CAB39: variants seen among roughly 807,000 people sequenced by gnomAD.
The protein encoded by CAB39 is calcium binding protein 39.
A neutral mutation model predicts 40.0 loss-of-function variants in CAB39; 8 were observed. The observed-to-expected ratio is 0.20, with a 90% CI of 0.12 to 0.36. The LOEUF (loss-of-function observed/expected upper bound fraction) is 0.36, where lower values mean the gene tolerates loss of function less well. Ranked by LOEUF, CAB39 falls within the 10% of genes least tolerant of loss-of-function variation. The pLI is 1.00. For synonymous variants in CAB39, 156 were observed against 141.6 expected (o/e 1.10, Z -0.72); for missense variants, 270 against 401.1 (o/e 0.67, Z 2.79).
Position 230,747,189 on chromosome 2 carries a change from C to T in CAB39, c.-43-12770C>T, listed in dbSNP as rs183656170. Among the ~76,000 whole-genome samples, 102 of 152,058 alleles carry T rather than the reference C, an allele frequency of 6.7e-4. 1 individual carries two copies. The highest frequency in any genetic ancestry group is 7.6e-4 in the Non-Finnish European group (52 of 68,000). ...GCAGTGAGCTGAGATCACATCACTG[C>T]GCTCCAGCCTGGGCAACAGAGTGAG... On this transcript the variant is annotated intron_variant, in intron 1 of 8. Transcript: ENST00000258418.
chr2:230,789,984 C>G (rs951610291), intron 2 of CAB39, among the ~76,000 whole-genome samples: 1 of 152,076 alleles, frequency 6.6e-6, no homozygotes, highest in Non-Finnish European at 1.5e-5. Flanking sequence ...CCTGTAATCC[C>G]AGCACAAGTT....
At chr2:230,749,049 C>T (rs1285864389) in intron 1 of CAB39, among the ~76,000 whole-genome samples, 2 of 145,394 alleles carry the variant, frequency 1.4e-5, no homozygotes, top group Non-Finnish European at 3.0e-5. Context: ...TGCATTGTTG[C>T]CTTCACAACC....
intron 1 of CAB39, among the ~76,000 whole-genome samples, chr2:230,727,363 CGTGTGTGTGTGTGTGT>C (rs10542723): frequency 2.4e-4 from 31 of 126,944 alleles, no homozygotes; most frequent in Admixed American, 8.1e-4. Context: ...GATTGTTAAC[CGTGTGTGTGTGTGTGT>C]GTGTGTGTGT....
intron 1 of CAB39, among the ~76,000 whole-genome samples, chr2:230,723,287 C>T (rs1479649327): frequency 6.6e-6 from 1 of 151,200 alleles, no homozygotes; most frequent in Admixed American, 6.6e-5. Flanking sequence ...AGGGGATTTA[C>T]GATAGTGGGA....
chr2:230,800,526 G>A (rs1037429391), intron 5 of CAB39, among the ~76,000 whole-genome samples: 1 of 152,230 alleles, frequency 6.6e-6, no homozygotes, highest in Non-Finnish European at 1.5e-5. Flanking sequence ...TAGGACTCAT[G>A]CTTATAATGC....
intron 5 of CAB39, among the ~76,000 whole-genome samples, chr2:230,801,615 T>C (rs1427110421): frequency 6.6e-6 from 1 of 152,136 alleles, no homozygotes; most frequent in Non-Finnish European, 1.5e-5. Context: ...CTCACGCCTG[T>C]AATCCCACCA....
intron 5 of CAB39, among the ~76,000 whole-genome samples, chr2:230,807,822 G>A (rs757246566): frequency 6.6e-6 from 1 of 152,186 alleles, no homozygotes; most frequent in Non-Finnish European, 1.5e-5. Context: ...TTGAGAGCCA[G>A]TGTCTCTCAG....
At chr2:230,763,896 C>T (rs765932506) in intron 2 of CAB39, among the ~76,000 whole-genome samples, 4 of 151,890 alleles carry the variant, frequency 2.6e-5, no homozygotes, top group African/African-American at 9.7e-5. Context: ...CCTAGTCGAG[C>T]GGATCACTTG....
chr2:230,748,824 AAAAAAAAATATATATATATATATATAT>A (rs1695024045), intron 1 of CAB39, among the ~76,000 whole-genome samples: 1 of 72,384 alleles, frequency 1.4e-5, no homozygotes. Flanking sequence ...AAAAAAAAAA[AAAAAAAAATATATATATATATATATAT>A]ATATATATAT....
intron 7 of CAB39, among the ~76,000 whole-genome samples, chr2:230,817,277 G>C (rs1381439970): frequency 6.6e-6 from 1 of 152,150 alleles, no homozygotes; most frequent in Admixed American, 6.5e-5. Context: ...CATGTGCAGG[G>C]TACACAAATG....
At chr2:230,784,807 T>C (rs1695759522) in intron 2 of CAB39, among the ~76,000 whole-genome samples, 1 of 152,208 alleles carries the variant, frequency 6.6e-6, no homozygotes, top group South Asian at 2.1e-4. Context: ...AGGGTGCTAC[T>C]CAATAGTTGT....
At chr2:230,801,380 C>T (rs552986528) in intron 5 of CAB39, among the ~76,000 whole-genome samples, 93 of 152,304 alleles carry the variant, frequency 6.1e-4, no homozygotes, top group African/African-American at 2.2e-3. Flanking sequence ...GTTGCTGCTC[C>T]TCTCCTGTCT....
intron 2 of CAB39, among the ~76,000 whole-genome samples, chr2:230,786,230 C>G (rs1164699826): frequency 6.6e-6 from 1 of 151,172 alleles, no homozygotes; most frequent in Non-Finnish European, 1.5e-5. Flanking sequence ...GTCTCAAACT[C>G]CTAGGCTCAA....
chr2:230,759,888 A>G, intron 1 of CAB39, 71 bp from the exon 2 acceptor site: 3 of 575,486 alleles, frequency 5.2e-6, no homozygotes, highest in Non-Finnish European at 9.5e-6. Context: ...TTCTTCCCAG[A>G]TTAGGATTTA....
At chr2:230,776,841 C>T (rs1275856163) in intron 2 of CAB39, among the ~76,000 whole-genome samples, 4 of 152,102 alleles carry the variant, frequency 2.6e-5, no homozygotes, top group Non-Finnish European at 4.4e-5. Context: ...CAGGCGCCTG[C>T]CACGCCCGGC....
chr2:230,751,507 G>T (rs1695085186), intron 1 of CAB39, among the ~76,000 whole-genome samples: 1 of 152,172 alleles, frequency 6.6e-6, no homozygotes, highest in Admixed American at 6.5e-5. Flanking sequence ...CAATACATAG[G>T]TGAAGAGGAG....
intron 1 of CAB39, among the ~76,000 whole-genome samples, chr2:230,748,625 G>C (rs939625696): frequency 6.6e-6 from 1 of 151,418 alleles, no homozygotes. Flanking sequence ...GGCCAGCATG[G>C]TGAAACCCCA....
chr2:230,758,330 T>G (rs1695230451), intron 1 of CAB39, among the ~76,000 whole-genome samples: 1 of 151,878 alleles, frequency 6.6e-6, no homozygotes, highest in African/African-American at 2.4e-5. Context: ...CTTGGATATT[T>G]AAGAACCTAT....
At chr2:230,750,813 TACCATATC>T (rs1263799533) in intron 1 of CAB39, among the ~76,000 whole-genome samples, 2 of 152,228 alleles carry the variant, frequency 1.3e-5, no homozygotes, top group African/African-American at 4.8e-5. Flanking sequence ...TTAATTCTTA[TACCATATC>T]GTGAAGTAGC....
Sources: gnomAD v4.1 joint callset for allele counts (sites outside exome capture counted in the v4.1 genomes callset) on GRCh38, gnomAD v4.1.1 for gene constraint, MANE v1.5 for transcripts, NCBI Gene and HGNC (gene_info 2026-07-23, HGNC 2026-07-21) for gene names.